DLG2: variants seen among roughly 807,000 people sequenced by gnomAD.
The protein encoded by DLG2 is disks large homolog 2.
DLG2 carries 45 observed loss-of-function variants against 132.5 expected under a neutral mutation model. The ratio of observed to expected loss-of-function variants is 0.34; its 90% confidence interval spans 0.27 to 0.44. The LOEUF (loss-of-function observed/expected upper bound fraction) is 0.44, where lower values mean the gene tolerates loss of function less well. Among genes scored for constraint, DLG2 ranks in the 20% least tolerant of loss-of-function variants. The pLI is 1.00. For missense variants in DLG2, 1,045 were observed against 1,196.9 expected (o/e 0.87, Z 1.87); for synonymous variants, 424 against 419.6 (o/e 1.01, Z -0.13).
At chr11:83,461,892 T>A (rs758267674) in intron 27 of DLG2, 110 bp downstream of exon 27, 2 of 733,036 alleles carry the variant, frequency 2.7e-6, no homozygotes, top group Non-Finnish European at 4.9e-6. Flanking sequence ...TTAGGGATTC[T>A]CAACAGGAAG....
At chr11:83,481,930 CA>C (rs1313170874) in intron 22 of DLG2, among the ~76,000 whole-genome samples, 1 of 151,958 alleles carries the variant, frequency 6.6e-6, no homozygotes, top group African/African-American at 2.4e-5. Flanking sequence ...CTCCAAAAGC[CA>C]CTACTTTTTA....
intron 6 of DLG2, among the ~76,000 whole-genome samples, chr11:84,819,695 C>G (rs1298389061): frequency 6.6e-6 from 1 of 151,894 alleles, no homozygotes; most frequent in Non-Finnish European, 1.5e-5. Context: ...CCTCAGATAG[C>G]TGAGTTACCG....
At chr11:84,173,821 C>T (rs562946272) in intron 8 of DLG2, among the ~76,000 whole-genome samples, 3 of 152,198 alleles carry the variant, frequency 2.0e-5, no homozygotes, top group Non-Finnish European at 2.9e-5. Flanking sequence ...GTATTTGGCA[C>T]TAGAGTGACC....
intron 17 of DLG2, among the ~76,000 whole-genome samples, chr11:83,826,661 C>T (rs1385411623): frequency 6.6e-6 from 1 of 152,156 alleles, no homozygotes; most frequent in East Asian, 1.9e-4. Context: ...AGCATCAACT[C>T]CACTTAGTTG....
intron 3 of DLG2, among the ~76,000 whole-genome samples, chr11:85,560,028 C>A (rs1482067996): frequency 6.6e-6 from 1 of 151,636 alleles, no homozygotes; most frequent in African/African-American, 2.4e-5. Flanking sequence ...TAAATTAAAA[C>A]CACAATAAGA....
At chr11:84,517,997 T>C (rs1427762815) in intron 7 of DLG2, among the ~76,000 whole-genome samples, 1 of 150,352 alleles carries the variant, frequency 6.7e-6, no homozygotes, top group Non-Finnish European at 1.5e-5. Context: ...GGAGTTGGGG[T>C]GGTTGGTGGG....
intron 6 of DLG2, among the ~76,000 whole-genome samples, chr11:84,878,788 A>G (rs934616161): frequency 1.3e-5 from 2 of 152,200 alleles, no homozygotes; most frequent in Non-Finnish European, 2.9e-5. Flanking sequence ...TAAGTGAGCT[A>G]CAAGACAACA....
intron 18 of DLG2, among the ~76,000 whole-genome samples, chr11:83,785,496 C>T: frequency 6.6e-6 from 1 of 152,236 alleles, no homozygotes; most frequent in Non-Finnish European, 1.5e-5. Context: ...CATCACAAAT[C>T]TCCTCTTTCC....
At chr11:83,944,953 T>C (rs1405746888) in intron 14 of DLG2, among the ~76,000 whole-genome samples, 1 of 152,194 alleles carries the variant, frequency 6.6e-6, no homozygotes, top group Admixed American at 6.5e-5. Context: ...GCCTAAAATC[T>C]GGAATTGGGT....
intron 7 of DLG2, among the ~76,000 whole-genome samples, chr11:84,495,221 G>A (rs1400542212): frequency 2.0e-5 from 3 of 152,086 alleles, no homozygotes; most frequent in Non-Finnish European, 4.4e-5. Flanking sequence ...CTCTGACACA[G>A]GAACTACTAC....
chr11:84,074,835 T>C (rs1412792941), intron 10 of DLG2, among the ~76,000 whole-genome samples: 1 of 152,118 alleles, frequency 6.6e-6, no homozygotes, highest in Admixed American at 6.5e-5. Flanking sequence ...GCCCACAGTT[T>C]CTAATTTTTA....
At chr11:84,624,618 A>G (rs1458579847) in intron 6 of DLG2, among the ~76,000 whole-genome samples, 1 of 151,678 alleles carries the variant, frequency 6.6e-6, no homozygotes, top group African/African-American at 2.4e-5. Context: ...GAGCTTCACT[A>G]TCATTCCCAT....
intron 6 of DLG2, among the ~76,000 whole-genome samples, chr11:84,817,060 AATTTGT>A (rs1314908066): frequency 6.6e-6 from 1 of 152,020 alleles, no homozygotes; most frequent in African/African-American, 2.4e-5. Flanking sequence ...ATGTGAAAGT[AATTTGT>A]AAACTGTAAA....
chr11:84,196,360 A>T (rs903018351), intron 8 of DLG2, among the ~76,000 whole-genome samples: 1 of 152,226 alleles, frequency 6.6e-6, no homozygotes, highest in Non-Finnish European at 1.5e-5. Flanking sequence ...GGGTAAGAGA[A>T]AAAGAAATCA....
intron 9 of DLG2, among the ~76,000 whole-genome samples, chr11:84,100,684 A>G (rs1450975602): frequency 6.6e-6 from 1 of 152,022 alleles, no homozygotes; most frequent in Non-Finnish European, 1.5e-5. Context: ...CATTTGATTA[A>G]TTTCCACTCT....
chr11:83,600,465 T>C (rs1440817755), intron 19 of DLG2, among the ~76,000 whole-genome samples: 1 of 152,246 alleles, frequency 6.6e-6, no homozygotes, highest in African/African-American at 2.4e-5. Context: ...TGGCAGCCTG[T>C]ATTTAATGGG....
At chr11:83,951,393 C>G (rs1565780047) in intron 14 of DLG2, among the ~76,000 whole-genome samples, 1 of 151,880 alleles carries the variant, frequency 6.6e-6, no homozygotes, top group African/African-American at 2.4e-5. Context: ...AACAAATACT[C>G]AAATAAAAAT....
chr11:84,503,204 A>C (rs916560168), intron 7 of DLG2, among the ~76,000 whole-genome samples: 10 of 152,216 alleles, frequency 6.6e-5, no homozygotes, highest in Admixed American at 6.5e-4. Flanking sequence ...CTTTTGGTAG[A>C]CTAAGAAAAC....
intron 18 of DLG2, among the ~76,000 whole-genome samples, chr11:83,696,908 T>C (rs2082048620): frequency 6.6e-6 from 1 of 152,204 alleles, no homozygotes; most frequent in Non-Finnish European, 1.5e-5. Context: ...CAAAAATCCA[T>C]TTTTAATTTT....
Sources: allele counts gnomAD v4.1 joint callset (sites outside exome capture counted in the v4.1 genomes callset), GRCh38; gene constraint gnomAD v4.1.1; transcripts MANE v1.5; gene names NCBI Gene and HGNC (gene_info 2026-07-23, HGNC 2026-07-21).